FNBP4: variants seen among roughly 807,000 people sequenced by gnomAD.
FNBP4 encodes the protein formin binding protein 4, also known as formin-binding protein 4.
A neutral mutation model predicts 119.3 loss-of-function variants in FNBP4; 34 were observed. The ratio of observed to expected loss-of-function variants is 0.28; its 90% CI spans 0.22 to 0.38. The LOEUF (loss-of-function observed/expected upper bound fraction) is 0.38, where lower values mean the gene tolerates loss of function less well. Among genes scored for constraint, FNBP4 ranks in the 10% least tolerant of loss-of-function variants. FNBP4 has a pLI of 1.00. For missense variants in FNBP4, 1,112 were observed against 1,228.9 expected, an observed-to-expected ratio of 0.90 and a Z score of 1.42; for synonymous variants, 462 against 430.6, an observed-to-expected ratio of 1.07 and a Z score of -0.90.
At chr11:47,750,886 TAAAC>T (rs1414458725) in intron 6 of FNBP4, 26 bp downstream of exon 6, 3 of 1,611,336 alleles carry the variant, frequency 1.9e-6, no homozygotes, top group African/African-American at 2.7e-5. Flanking sequence ...GATCTGAAAA[TAAAC>T]AAATGAGGTA....
At position 47,733,302 on chromosome 11, in the gene FNBP4, C is replaced by T. The variant is rs190821085; in HGVS notation, c.1687-632G>A. Among the ~76,000 whole-genome samples, 51 of 151,930 alleles carry T rather than the reference C, an allele frequency of 3.4e-4. No individual in the cohort carries two copies. The East Asian group carries it at 8.1e-3, about 24-fold the overall frequency. ...TTTTTGGGAGATAGTTCACTTATTC[C>T]AGTACTGTTAGTAATCACAGTTAAG... On this transcript the variant is annotated intron_variant, in intron 10 of 16. Transcript: ENST00000263773.
intron 16 of FNBP4, among the ~76,000 whole-genome samples, chr11:47,719,402 G>A (rs1453510381): frequency 1.3e-5 from 2 of 152,162 alleles, no homozygotes; most frequent in African/African-American, 4.8e-5. Flanking sequence ...TTCTGTTCTA[G>A]AATAAGTGCA....
intron 6 of FNBP4, among the ~76,000 whole-genome samples, chr11:47,750,381 C>CTCAAAAAAAA (rs2097599683): frequency 4.0e-5 from 1 of 24,752 alleles, no homozygotes; most frequent in African/African-American, 1.9e-4. Flanking sequence ...GACTCCATAT[C>CTCAAAAAAAA]AAAAAAAAAA....
At chr11:47,721,313 G>A (rs1048116045) in intron 15 of FNBP4, among the ~76,000 whole-genome samples, 4 of 151,726 alleles carry the variant, frequency 2.6e-5, no homozygotes, top group Non-Finnish European at 4.4e-5. Flanking sequence ...TCAATGGGGC[G>A]AGGCATGGTG....
intron 8 of FNBP4, among the ~76,000 whole-genome samples, chr11:47,742,473 G>C (rs1253532828): frequency 4.7e-5 from 1 of 21,372 alleles, no homozygotes; most frequent in Admixed American, 7.0e-4. Flanking sequence ...GCAAGACTCC[G>C]TCTCAAAAAA....
intron 2 of FNBP4, among the ~76,000 whole-genome samples, chr11:47,757,619 G>A (rs552261430): frequency 4.6e-5 from 7 of 152,012 alleles, no homozygotes; most frequent in African/African-American, 1.4e-4. Flanking sequence ...TCAGCCTCCC[G>A]AGTAGCTGGG....
intron 8 of FNBP4, among the ~76,000 whole-genome samples, chr11:47,741,675 G>A (rs1338819150): frequency 1.3e-5 from 2 of 150,082 alleles, no homozygotes; most frequent in Non-Finnish European, 3.0e-5. Flanking sequence ...AATTAGTCAG[G>A]CGCAGTGGCA....
intron 4 of FNBP4, 130 bp downstream of exon 4, chr11:47,752,786 C>T (rs1046602366): frequency 1.0e-5 from 9 of 859,898 alleles, no homozygotes; most frequent in Non-Finnish European, 1.6e-5. Flanking sequence ...TGCACTCCAG[C>T]CTGGGCGACA....
At chr11:47,737,612 G>A (rs1599194113) in intron 8 of FNBP4, among the ~76,000 whole-genome samples, 1 of 151,208 alleles carries the variant, frequency 6.6e-6, no homozygotes, top group South Asian at 2.1e-4. Context: ...GCTAGTTTTT[G>A]TATTTTTAGT....
At chr11:47,758,207 C>T (rs1174273891) in intron 2 of FNBP4, among the ~76,000 whole-genome samples, 2 of 152,148 alleles carry the variant, frequency 1.3e-5, no homozygotes, top group African/African-American at 4.8e-5. Flanking sequence ...CAATCAGGCT[C>T]CTGTGTAGCT....
chr11:47,766,795 C>G (rs2097648564), intron 1 of FNBP4, among the ~76,000 whole-genome samples: 1 of 152,232 alleles, frequency 6.6e-6, no homozygotes, highest in Admixed American at 6.5e-5. Flanking sequence ...GTTTGGGAGA[C>G]TCAGGATGCC....
chr11:47,765,759 C>T (rs1353419349), intron 1 of FNBP4, among the ~76,000 whole-genome samples: 1 of 151,650 alleles, frequency 6.6e-6, no homozygotes, highest in Non-Finnish European at 1.5e-5. Context: ...GTTACTGCAG[C>T]CTGGGCCACA....
At chr11:47,739,257 T>A (rs2097578433) in intron 8 of FNBP4, among the ~76,000 whole-genome samples, 1 of 152,108 alleles carries the variant, frequency 6.6e-6, no homozygotes, top group African/African-American at 2.4e-5. Context: ...TCCTTAACCT[T>A]ATAATATAAT....
At chr11:47,719,448 C>A (rs1398940757) in intron 16 of FNBP4, among the ~76,000 whole-genome samples, 1 of 152,152 alleles carries the variant, frequency 6.6e-6, no homozygotes, top group Non-Finnish European at 1.5e-5. Context: ...CCCTGCTTGA[C>A]TGAAATATAG....
chr11:47,724,397 T>G (rs2097558830), intron 13 of FNBP4, 71 bp downstream of exon 13: 2 of 1,607,954 alleles, frequency 1.2e-6, no homozygotes, highest in Non-Finnish European at 8.5e-7. Flanking sequence ...CATATGCTTC[T>G]AAAATAAAAC....
Position 47,743,987 on chromosome 11 carries a change from T to C in FNBP4, c.1422A>G (p.Lys474=). Residue 474 remains lysine, a synonymous_variant, in exon 8 of 17, where the codon AAA becomes AAG. Coordinates refer to ENST00000263773, the MANE Select transcript of FNBP4 (RefSeq NM_015308.5). ...CATTTTCTGGAGTATCTCGTCCAGT[T>C]TTACTAGAACTCCTACTGGTAGATT... ...SPESTSRSSS[K]TGRDTPENGE... 6.2e-7 allele frequency: 1 copy of C among 1,614,196 alleles called. No homozygotes were observed. Among genetic ancestry groups the C allele is most frequent in the Non-Finnish European group, 8.5e-7 (1 of 1,180,028 alleles).
intron 3 of FNBP4, among the ~76,000 whole-genome samples, chr11:47,753,630 A>C (rs932953190): frequency 1.3e-5 from 2 of 152,000 alleles, no homozygotes; most frequent in African/African-American, 4.8e-5. Flanking sequence ...AAAAAACAAA[A>C]AAAAAAGAAT....
Position 47,723,172 on chromosome 11 carries a change from GCAGGTGCTGCCGCTAGTC to G in FNBP4, c.2591_2608del (p.Gly864_Pro869del), listed in dbSNP as rs767891410. On this transcript the variant is annotated inframe_deletion, in exon 15 of 17. Coordinates refer to ENST00000263773, the MANE Select transcript of FNBP4 (RefSeq NM_015308.5). ...AGAACATTCTGCATAACTCATAATT[GCAGGTGCTGCCGCTAGTC>G]CAAGGTAATTTGACTGCAGGCTCAT... 5.4e-5 allele frequency: 87 copies of G among 1,613,980 alleles called. 3 individuals carry two copies. In the South Asian group the frequency reaches 8.8e-4, roughly 16 times the overall value.
chr11:47,759,278 CTT>C (rs1177165702), intron 2 of FNBP4, among the ~76,000 whole-genome samples: 1 of 150,270 alleles, frequency 6.7e-6, no homozygotes, highest in Non-Finnish European at 1.5e-5. Context: ...ATGGTGCAGT[CTT>C]GACTCACTGC....
Sources: gnomAD v4.1 joint callset for allele counts (sites outside exome capture counted in the v4.1 genomes callset) on GRCh38, gnomAD v4.1.1 for gene constraint, MANE v1.5 for transcripts, NCBI Gene and HGNC (gene_info 2026-07-23, HGNC 2026-07-21) for gene names.